The following TFEB variants were observed in gnomAD, a reference collection of about 807,000 sequenced individuals.
TFEB encodes the protein T-cell transcription factor EB.
Under a neutral mutation model 48.0 loss-of-function variants are expected in TFEB, and 12 were observed. That is an observed-to-expected ratio of 0.25 (90% CI 0.16 to 0.40). TFEB has a LOEUF of 0.40. Ranked by LOEUF, TFEB falls within the 10% of genes least tolerant of loss-of-function variation. The pLI is 1.00. For missense variants in TFEB, 509 were observed against 640.3 expected (o/e 0.79, Z 2.21); for synonymous variants, 244 against 261.4 (o/e 0.93, Z 0.64).
chr6:41,716,497 C>T (rs573747763), intron 1 of TFEB, among the ~76,000 whole-genome samples: 1 of 152,330 alleles, frequency 6.6e-6, no homozygotes, highest in East Asian at 1.9e-4. Flanking sequence ...CTCACAGGAG[C>T]TAGAGCTGGA....
intron 1 of TFEB, among the ~76,000 whole-genome samples, chr6:41,714,200 C>T (rs59132571): frequency 0.2 from 29,721 of 151,336 alleles, 3,535 homozygotes; most frequent in African/African-American, 0.34. Context: ...CATGCATGTG[C>T]GTGCATGTGC....
At chr6:41,712,758 C>T (rs1237030227) in intron 1 of TFEB, among the ~76,000 whole-genome samples, 1 of 152,096 alleles carries the variant, frequency 6.6e-6, no homozygotes, top group African/African-American at 2.4e-5. Context: ...GTGCACCCAG[C>T]GTTACTCTGG....
chr6:41,715,676 GAA>G (rs34988206), intron 1 of TFEB, among the ~76,000 whole-genome samples: 30 of 126,074 alleles, frequency 2.4e-4, no homozygotes, highest in Admixed American at 1.1e-3. Context: ...TCTCAATTAA[GAA>G]AAAAAAAAAA....
chr6:41,699,562 G>A (rs1316373456), intron 1 of TFEB, among the ~76,000 whole-genome samples: 1 of 152,234 alleles, frequency 6.6e-6, no homozygotes, highest in East Asian at 1.9e-4. Context: ...TGTATATCAT[G>A]TCATTCACTG....
intron 1 of TFEB, chr6:41,733,619 G>A (rs1771542832): frequency 2.0e-6 from 2 of 985,352 alleles, no homozygotes; most frequent in African/African-American, 3.5e-5. Context: ...CAGGCGAGTT[G>A]CTCGTGGTCC....
At chr6:41,685,684 C>T (rs1768962589) in intron 8 of TFEB, among the ~76,000 whole-genome samples, 1 of 152,216 alleles carries the variant, frequency 6.6e-6, no homozygotes, top group Non-Finnish European at 1.5e-5. Context: ...CAGCTCTCTA[C>T]CTTCCAGGCA....
In TFEB at chr6:41,723,947, T is replaced by C. The variant is rs1433778668; in HGVS notation, c.-23+11403A>G. ...CAGCCCCGCTTCCTAGAGACATGTGTCCTTCTAGCCAGAAGCCCCACAGCT... is the reference window on the plus strand; with the variant it reads ...CAGCCCCGCTTCCTAGAGACATGTGCCCTTCTAGCCAGAAGCCCCACAGCT... On this transcript the variant is annotated intron_variant, in intron 1 of 8. Transcript: ENST00000373033. The surrounding 1 kb of genome is among the most constrained non-coding windows in gnomAD (Gnocchi z 6.0). 1 of 511,484 alleles carries C rather than the reference T, an allele frequency of 2.0e-6. No individual in the cohort carries two copies. The highest frequency in any genetic ancestry group is 2.0e-5 in the Admixed American group (1 of 50,674). 31.7% of individuals were successfully genotyped at this position (511,484 alleles called of 1,614,324 possible).
At chr6:41,735,103 G>A in intron 1 of TFEB, 1 of 983,768 alleles carries the variant, frequency 1.0e-6, no homozygotes, top group Non-Finnish European at 1.2e-6. Flanking sequence ...GCCGCCCCCG[G>A]CCCGCGCCTG....
intron 1 of TFEB, among the ~76,000 whole-genome samples, chr6:41,708,880 A>T (rs772930911): frequency 1.3e-5 from 2 of 152,194 alleles, no homozygotes; most frequent in Non-Finnish European, 2.9e-5. Context: ...GCAATGGCCA[A>T]ATGTGTACTT....
At chr6:41,706,824 C>A (rs556271124) in intron 1 of TFEB, among the ~76,000 whole-genome samples, 2 of 152,016 alleles carry the variant, frequency 1.3e-5, no homozygotes, top group South Asian at 2.1e-4. Flanking sequence ...CATCTCCCCC[C>A]GCCCACACCC....
At position 41,684,802 on chromosome 6, in the gene TFEB, G is replaced by C. The variant is rs200419657; in HGVS notation, c.1228C>G (p.Pro410Ala). 1.2e-6 allele frequency: 2 copies of C among 1,603,046 alleles called. No individual in the cohort carries two copies. Among genetic ancestry groups the C allele is most frequent in the Non-Finnish European group, 1.7e-6 (2 of 1,174,736 alleles). Residue 410 changes from proline to alanine, a missense_variant, in exon 9 of 9, where the codon CCC becomes GCC. Physicochemically the swap from Pro to Ala is conservative, Grantham distance 27. This residue lies in a region of TFEB where 168 missense variants were observed against 161.0 expected (regional missense o/e 1.04). Coordinates refer to ENST00000373033, the MANE Select transcript of TFEB (RefSeq NM_001271944.2). ...LSFGGREDEG[P>A]PGYPEPLAPG... ...GCCAGGGGTTCGGGGTAGCCCGGGG[G>C]ACCCTCGTCCTCCCTGCCCCCAAAG...
chr6:41,728,510 A>C (rs868686733), intron 1 of TFEB, among the ~76,000 whole-genome samples: 12 of 152,160 alleles, frequency 7.9e-5, no homozygotes, highest in South Asian at 2.1e-4. Flanking sequence ...TGGACAGTAT[A>C]GTGTGTCACC....
At chr6:41,728,643 C>T (rs1012725642) in intron 1 of TFEB, among the ~76,000 whole-genome samples, 5 of 151,970 alleles carry the variant, frequency 3.3e-5, no homozygotes, top group Admixed American at 1.3e-4. Context: ...GAAAACAAAC[C>T]GGAGCCCCAC....
chr6:41,693,394 T>C (rs1769408899), intron 1 of TFEB, among the ~76,000 whole-genome samples: 1 of 152,136 alleles, frequency 6.6e-6, no homozygotes, highest in Non-Finnish European at 1.5e-5. Flanking sequence ...CTTTTATAGA[T>C]AAGGAGAAAC....
At position 41,735,334 on chromosome 6, in the gene TFEB, C is replaced by T. The variant is rs1343987241; in HGVS notation, c.-23+16G>A. 25 of 984,936 alleles carry T rather than the reference C, an allele frequency of 2.5e-5. No individual in the cohort carries two copies. The highest frequency in any genetic ancestry group is 3.5e-5 in the African/African-American group (2 of 57,154). The allele number at this position is 984,936 out of a possible 1,614,324, so 61.0% of individuals were successfully genotyped here. A position where few individuals can be genotyped will look rare whatever the true frequency, so the allele number is the denominator to read the frequency against. On this transcript the variant is annotated intron_variant, in intron 1 of 8. Transcript: ENST00000373033. Reference sequence around the variant, plus strand: ...CCGGGCCCTCCTCGTGCCTCTCGCTCCCCGGTCCCGCTCACCTCGCTCTGA... The same window carrying T: ...CCGGGCCCTCCTCGTGCCTCTCGCTTCCCGGTCCCGCTCACCTCGCTCTGA...
At chr6:41,687,659 C>T in intron 6 of TFEB, 94 bp downstream of exon 6, 2 of 1,525,004 alleles carry the variant, frequency 1.3e-6, no homozygotes, top group Non-Finnish European at 1.8e-6. Context: ...AGCAGGGAAG[C>T]CTTCCACCAG....
At position 41,734,042 on chromosome 6, in the gene TFEB, G is replaced by T; in HGVS notation, c.-23+1308C>A. 4.3e-6 allele frequency: 1 copy of T among 233,144 alleles called. No homozygotes were observed. Among genetic ancestry groups the T allele is most frequent in the Non-Finnish European group, 7.0e-6 (1 of 142,068 alleles). 14.4% of individuals were successfully genotyped at this position (233,144 alleles called of 1,614,324 possible). On this transcript the variant is annotated intron_variant, in intron 1 of 8. Transcript: ENST00000373033. The surrounding 1 kb of genome is among the most constrained non-coding windows in gnomAD (Gnocchi z 4.0). The stretch of plus-strand genomic sequence containing the variant: ...GAGGGATGAAGCAGCCCCTCACTCG[G>T]GATGGGGGGAGGGCAGAGGATGGGA...
chr6:41,704,471 CTG>C (rs1326524954), intron 1 of TFEB, among the ~76,000 whole-genome samples: 2 of 152,204 alleles, frequency 1.3e-5, no homozygotes, highest in African/African-American at 2.4e-5. Flanking sequence ...TGGAGGTGGT[CTG>C]TGAGTACTAG....
chr6:41,700,585 G>C (rs954638993), intron 1 of TFEB, among the ~76,000 whole-genome samples: 21 of 152,210 alleles, frequency 1.4e-4, no homozygotes, highest in Admixed American at 3.3e-4. Context: ...CCCAGGATGC[G>C]TTCTGCACCG....
Sources: allele counts gnomAD v4.1 joint callset (sites outside exome capture counted in the v4.1 genomes callset), GRCh38; gene constraint gnomAD v4.1.1; regional missense constraint gnomAD v4.1.1; non-coding constraint Gnocchi (gnomAD v3.1); transcripts MANE v1.5; gene names NCBI Gene and HGNC (gene_info 2026-07-23, HGNC 2026-07-21).